INSL6: variants seen among roughly 807,000 people sequenced by gnomAD.
INSL6 encodes insulin like 6.
Under a neutral mutation model 9.4 loss-of-function variants are expected in INSL6, and 16 were observed. The observed-to-expected ratio is 1.70, with a 90% CI of 1.15 to 2.59. The LOEUF is 2.59. INSL6 is among the 30% of genes most tolerant of loss of function. The pLI is 0.00. For synonymous variants in INSL6, 154 were observed against 96.9 expected (o/e 1.59, Z -3.46); for missense variants, 391 against 257.3 (o/e 1.52, Z -3.56).
the INSL6 span, among the ~76,000 whole-genome samples, chr9:5,107,641 C>T: frequency 9.9e-5 from 15 of 151,908 alleles, no homozygotes; most frequent in African/African-American, 3.4e-4. Context: ...TACCAAATGC[C>T]CTCTATTTAC....
the INSL6 span, among the ~76,000 whole-genome samples, chr9:5,026,728 C>A: frequency 1.3e-5 from 2 of 151,998 alleles, no homozygotes; most frequent in African/African-American, 2.4e-5. Context: ...TACGTGTATG[C>A]GTATGTGTGA....
At chr9:5,015,425 A>G in the INSL6 span, among the ~76,000 whole-genome samples, 4 of 152,236 alleles carry the variant, frequency 2.6e-5, no homozygotes, top group Non-Finnish European at 4.4e-5. Context: ...GAGTTGACAT[A>G]TGCACAAATG....
intron 2 of INSL6, among the ~76,000 whole-genome samples, chr9:5,133,877 G>A (rs1268953837): frequency 6.6e-6 from 1 of 151,130 alleles, no homozygotes; most frequent in Non-Finnish European, 1.5e-5. Context: ...GCTTCAGAAG[G>A]TTGGTAATTA....
chr9:5,013,669 C>G, the INSL6 span, among the ~76,000 whole-genome samples: 1 of 152,142 alleles, frequency 6.6e-6, no homozygotes, highest in African/African-American at 2.4e-5. Context: ...TTCTATTTTC[C>G]TTTTAAGGTC....
At chr9:5,045,458 T>G in the INSL6 span, among the ~76,000 whole-genome samples, 1 of 152,184 alleles carries the variant, frequency 6.6e-6, no homozygotes, top group African/African-American at 2.4e-5. Context: ...AAGTGTACAG[T>G]TCAGTTGTAT....
At chr9:5,022,172 A>G in the INSL6 span, 2 of 1,614,180 alleles carry the variant, frequency 1.2e-6, no homozygotes, top group East Asian at 2.2e-5. Flanking sequence ...TCTGGGGAGT[A>G]TGTTGCAGAA....
Position 5,164,063 on chromosome 9 carries a change from C to T in INSL6, c.492G>A (p.Gly164=), listed in dbSNP as rs777673221. ...KIKTLSNLFW[G]HHPQRKRRGY... ...CTCTGCGTTTTCTTTGGGGATGATG[C>T]CCCCAAAACAAATTGCTTAAGGTTT... The change falls in exon 2 of 2, where the codon GGG becomes GGA. Residue 164 remains glycine (G), a synonymous_variant. Transcript: ENST00000381641. 20 of 1,613,464 alleles carry T rather than the reference C, an allele frequency of 1.2e-5. No individual in the cohort carries two copies. The Admixed American group carries it at 1.5e-4, about 12-fold the overall frequency.
chr9:5,057,639 A>G, the INSL6 span, among the ~76,000 whole-genome samples: 4 of 145,476 alleles, frequency 2.7e-5, no homozygotes, highest in African/African-American at 7.7e-5. Context: ...CTGGAGCACA[A>G]TGGCGCGATC....
the INSL6 span, among the ~76,000 whole-genome samples, chr9:5,093,391 T>A: frequency 6.6e-6 from 1 of 152,130 alleles, no homozygotes; most frequent in Non-Finnish European, 1.5e-5. Flanking sequence ...ACATAATCAC[T>A]TGTTCCCTAA....
the INSL6 span, among the ~76,000 whole-genome samples, chr9:5,023,442 C>G: frequency 6.6e-6 from 1 of 152,036 alleles, no homozygotes; most frequent in African/African-American, 2.4e-5. Flanking sequence ...TCGGGGGGAG[C>G]GTGGGACCCA....
At chr9:5,070,097 A>C in the INSL6 span, 8 of 1,393,016 alleles carry the variant, frequency 5.7e-6, no homozygotes, top group Non-Finnish European at 7.9e-6. Flanking sequence ...TCCTTTTAAA[A>C]CAACATCTGT....
chr9:5,081,155 A>G, the INSL6 span, among the ~76,000 whole-genome samples: 1 of 152,006 alleles, frequency 6.6e-6, no homozygotes, highest in Non-Finnish European at 1.5e-5. Flanking sequence ...TCGGCCTCCC[A>G]AAGTGCTGGG....
At chr9:5,069,939 CTA>C in the INSL6 span, 1 of 1,598,914 alleles carries the variant, frequency 6.3e-7, no homozygotes, top group East Asian at 2.2e-5. Flanking sequence ...ATCAAACCTT[CTA>C]GTCTTCAGAA....
chr9:5,139,281 G>A (rs1200832959), intron 2 of INSL6, among the ~76,000 whole-genome samples: 2 of 151,698 alleles, frequency 1.3e-5, no homozygotes, highest in Non-Finnish European at 3.0e-5. Context: ...TTTTTCACGT[G>A]CAGTTTAGTG....
chr9:5,163,232 G>T (rs1183254940), downstream of INSL6, among the ~76,000 whole-genome samples: 1 of 152,188 alleles, frequency 6.6e-6, no homozygotes, highest in Non-Finnish European at 1.5e-5. Flanking sequence ...TGCTGATGCT[G>T]CCGATTTGGT....
chr9:5,168,933 T>C (rs1006584127), intron 1 of INSL6, among the ~76,000 whole-genome samples: 2 of 151,892 alleles, frequency 1.3e-5, no homozygotes, highest in Admixed American at 1.3e-4. Flanking sequence ...TTTGATTTTT[T>C]TTTTTTTTTG....
intron 1 of INSL6, among the ~76,000 whole-genome samples, chr9:5,178,956 T>C (rs1176203712): frequency 6.7e-6 from 1 of 149,942 alleles, no homozygotes; most frequent in Non-Finnish European, 1.5e-5. Flanking sequence ...CACAGGCAAA[T>C]ATTTCAAAAC....
chr9:5,162,493 T>C (rs147590610), downstream of INSL6, among the ~76,000 whole-genome samples: 1 of 152,344 alleles, frequency 6.6e-6, no homozygotes, highest in Non-Finnish European at 1.5e-5. Context: ...ACTTTATTCT[T>C]CAACTACAAG....
chr9:5,069,872 A>G, the INSL6 span: 23 of 1,257,890 alleles, frequency 1.8e-5, no homozygotes, highest in East Asian at 1.3e-4. Flanking sequence ...CTTTGGAGCA[A>G]TTCATACTTT....
Sources: gnomAD v4.1 joint callset for allele counts (sites outside exome capture counted in the v4.1 genomes callset) on GRCh38, gnomAD v4.1.1 for gene constraint, MANE v1.5 for transcripts, NCBI Gene and HGNC (gene_info 2026-07-23, HGNC 2026-07-21) for gene names.